The following BRD4 variants were observed in gnomAD, a reference collection of about 807,000 sequenced individuals.
BRD4 encodes the protein bromodomain containing 4.
In BRD4, 16 loss-of-function variants were observed where a neutral mutation model predicts 142.1. The ratio of observed to expected loss-of-function variants is 0.11; its 90% CI spans 0.08 to 0.17. BRD4 has a LOEUF of 0.17. Among genes scored for constraint, BRD4 ranks in the 10% least tolerant of loss-of-function variants. The pLI is 1.00. For synonymous variants in BRD4, 833 were observed against 707.5 expected (o/e 1.18, Z -2.82); for missense variants, 1,424 against 1,810.9 (o/e 0.79, Z 3.88).
At chr19:15,298,420 G>A (rs772030630) in intron 1 of BRD4, among the ~76,000 whole-genome samples, 2 of 151,498 alleles carry the variant, frequency 1.3e-5, no homozygotes, top group Admixed American at 6.6e-5. Flanking sequence ...GGCAGATCAC[G>A]AGCTCAGGAG....
intron 1 of BRD4, among the ~76,000 whole-genome samples, chr19:15,288,379 A>T (rs1243611605): frequency 6.6e-6 from 1 of 152,178 alleles, no homozygotes; most frequent in East Asian, 1.9e-4. Context: ...CAGACTGGTG[A>T]CAGAGCAAGA....
At chr19:15,242,842 G>T in intron 14 of BRD4, 58 bp downstream of exon 14, 7 of 1,557,940 alleles carry the variant, frequency 4.5e-6, no homozygotes, top group Non-Finnish European at 5.2e-6. Flanking sequence ...GCTTCCTGAG[G>T]ACAAAACTAT....
chr19:15,258,381 T>A (rs964026825), intron 7 of BRD4, among the ~76,000 whole-genome samples: 2 of 152,132 alleles, frequency 1.3e-5, no homozygotes, highest in Admixed American at 1.3e-4. Flanking sequence ...AGTGGCGCAA[T>A]CTCAGCTCAC....
At chr19:15,263,208 G>C (rs1041128444) in intron 7 of BRD4, among the ~76,000 whole-genome samples, 1 of 152,176 alleles carries the variant, frequency 6.6e-6, no homozygotes, top group Admixed American at 6.5e-5. Context: ...TGGTGGAGGG[G>C]GCTTGCAGTG....
At chr19:15,323,275 A>G (rs2048080196) in intron 1 of BRD4, among the ~76,000 whole-genome samples, 1 of 148,538 alleles carries the variant, frequency 6.7e-6, no homozygotes, top group Admixed American at 6.8e-5. Context: ...GCCCTACTTT[A>G]TATATGAAAA....
In BRD4 at chr19:15,238,354, A is replaced by C; in HGVS notation, c.*23T>G. On this transcript the variant is annotated 3_prime_UTR_variant, in exon 20 of 20. Transcript: ENST00000679869. This position sits in a 1 kb window ranked among gnomAD's most constrained non-coding sequence, Gnocchi z 7.2. The stretch of plus-strand genomic sequence containing the variant: ...AGTCAATGTTTTGCCAGAAAATCAA[A>C]GTCAGAAGCCACCTAGGTGCGCTCA... 1 of 1,613,766 alleles carries C rather than the reference A, an allele frequency of 6.2e-7. No individual in the cohort carries two copies. The highest frequency in any genetic ancestry group is 8.5e-7 in the Non-Finnish European group (1 of 1,179,798).
At chr19:15,248,515 TC>T (rs1298012825) in intron 11 of BRD4, 2 of 222,184 alleles carry the variant, frequency 9.0e-6, no homozygotes, top group Non-Finnish European at 1.8e-5. Context: ...GCAGCCTGGT[TC>T]CAGGAGGTAC....
intron 7 of BRD4, chr19:15,257,410 A>T (rs1229710741): frequency 1.8e-6 from 1 of 555,780 alleles, no homozygotes; most frequent in Non-Finnish European, 3.2e-6. Flanking sequence ...GTCCAGAGAT[A>T]GCGGGGCACT....
chr19:15,329,433 T>C (rs1452726705), intron 1 of BRD4, among the ~76,000 whole-genome samples: 1 of 152,124 alleles, frequency 6.6e-6, no homozygotes, highest in African/African-American at 2.4e-5. Flanking sequence ...AGGTGCCAAA[T>C]GGTTTTTTGC....
chr19:15,286,128 T>C (rs1263751711), intron 1 of BRD4, among the ~76,000 whole-genome samples: 2 of 152,194 alleles, frequency 1.3e-5, no homozygotes, highest in East Asian at 1.9e-4. Context: ...CTCTGTCCTA[T>C]GGACCTAAGG....
chr19:15,255,206 G>A, intron 10 of BRD4, 91 bp downstream of exon 10: 4 of 1,277,256 alleles, frequency 3.1e-6, no homozygotes, highest in African/African-American at 3.0e-5. Context: ...AAAAGGGGGG[G>A]GGCGCAGAAA....
chr19:15,254,382 C>T (rs1327766978), intron 10 of BRD4, 120 bp from the exon 11 acceptor site: 7 of 828,750 alleles, frequency 8.4e-6, no homozygotes, highest in Non-Finnish European at 1.4e-5. Flanking sequence ...GCACGGTGGG[C>T]CCAGGGGCTG....
chr19:15,298,590 C>T (rs2047842204), intron 1 of BRD4, among the ~76,000 whole-genome samples: 1 of 115,960 alleles, frequency 8.6e-6, no homozygotes. Flanking sequence ...CACTGCACTC[C>T]AGCCTGGGCA....
intron 1 of BRD4, among the ~76,000 whole-genome samples, chr19:15,310,213 C>CTTTTTT (rs34519343): frequency 1.6e-5 from 2 of 122,410 alleles, no homozygotes; most frequent in Admixed American, 9.1e-5. Context: ...TTAAACAGTC[C>CTTTTTT]TTTTTTTTTT....
chr19:15,257,053 TGTC>T lies in BRD4; in HGVS notation c.1459_1461del (p.Asp487del), dbSNP rs1205013573. 4 of 1,602,070 alleles carry T rather than the reference TGTC, an allele frequency of 2.5e-6. No individual in the cohort carries two copies. The highest frequency in any genetic ancestry group is 3.4e-6 in the Non-Finnish European group (4 of 1,176,318). ...CTGTCCGAGGAGCTATCGCTGCTGCTGTCGCTGGATGAGGGCGGGGCCACAACC... is the reference window on the plus strand; with the variant it reads ...CTGTCCGAGGAGCTATCGCTGCTGCTGCTGGATGAGGGCGGGGCCACAACC... On this transcript the variant is annotated inframe_deletion, in exon 8 of 20. Transcript: ENST00000679869.
At chr19:15,293,919 T>G (rs543589437) in intron 1 of BRD4, among the ~76,000 whole-genome samples, 4 of 152,312 alleles carry the variant, frequency 2.6e-5, no homozygotes, top group East Asian at 1.9e-4. Context: ...GTGTCTGACT[T>G]CTTTCTCTTA....
At chr19:15,286,695 A>AT (rs1242795824) in intron 1 of BRD4, among the ~76,000 whole-genome samples, 3 of 152,230 alleles carry the variant, frequency 2.0e-5, no homozygotes, top group Non-Finnish European at 4.4e-5. Flanking sequence ...TTTAGATTCC[A>AT]TAAAACTTGC....
intron 11 of BRD4, chr19:15,247,994 G>A (rs1341412430): frequency 9.0e-6 from 2 of 221,918 alleles, no homozygotes; most frequent in Non-Finnish European, 9.0e-6. Context: ...GGCAGGTGGG[G>A]AGCCTGCACC....
chr19:15,238,829 C>A lies in BRD4; in HGVS notation c.3934G>T (p.Ala1312Ser), dbSNP rs369387377. 1.2e-5 allele frequency: 19 copies of A among 1,604,694 alleles called. No homozygotes were observed. Among genetic ancestry groups the A allele is most frequent in the Non-Finnish European group, 1.5e-5 (18 of 1,175,696 alleles). The part of the protein sequence containing the change: ...AAVAAAATPQ[A>S]QSSQPQSMLD... ...ATGGACTGGGGCTGGGAGCTCTGGG[C>A]CTGTGGGGTGGCGGCGGCAGCCACC... The change falls in exon 19 of 20, where the codon GCC becomes TCC. Residue 1312 changes from alanine (A) to serine (S), a missense_variant. By Grantham distance (99) the Ala-to-Ser change is moderately conservative (BLOSUM62 1). Transcript: ENST00000679869. The surrounding 1 kb of genome is among the most constrained non-coding windows in gnomAD (Gnocchi z 7.2).
Sources: gnomAD v4.1 joint callset for allele counts (sites outside exome capture counted in the v4.1 genomes callset) on GRCh38, gnomAD v4.1.1 for gene constraint, Gnocchi (gnomAD v3.1) non-coding constraint, MANE v1.5 for transcripts, NCBI Gene and HGNC (gene_info 2026-07-23, HGNC 2026-07-21) for gene names.